ACTN4: variants seen among roughly 807,000 people sequenced by gnomAD.
The protein encoded by ACTN4 is actinin alpha 4.
Under a neutral mutation model 114.2 loss-of-function variants are expected in ACTN4, and 18 were observed. The observed-to-expected ratio is 0.16, with a 90% CI of 0.11 to 0.23. ACTN4 has a LOEUF of 0.23. Ranked by LOEUF, ACTN4 falls within the 10% of genes least tolerant of loss-of-function variation. The pLI is 1.00. For missense variants in ACTN4, 722 were observed against 1,262.9 expected (o/e 0.57, Z 6.49); for synonymous variants, 515 against 506.3 (o/e 1.02, Z -0.23).
chr19:38,698,993 T>G (rs1490327509), intron 1 of ACTN4, among the ~76,000 whole-genome samples: 1 of 152,170 alleles, frequency 6.6e-6, no homozygotes, highest in Non-Finnish European at 1.5e-5. Flanking sequence ...GGGCGTGGAA[T>G]GTGCTCTTGT....
chr19:38,714,347 T>G, intron 8 of ACTN4, 122 bp from the exon 9 acceptor site: 1 of 869,336 alleles, frequency 1.2e-6, no homozygotes, highest in Non-Finnish European at 1.9e-6. Flanking sequence ...GAGCTGTGCT[T>G]CCTCTCCTTC....
rs1968241566 is a variant in ACTN4 at position 38,700,651 on chromosome 19, G to A, written c.214G>A (p.Glu72Lys). 4 of 1,614,192 alleles carry A rather than the reference G, an allele frequency of 2.5e-6. No individual in the cohort carries two copies. The highest frequency in any genetic ancestry group is 1.1e-5 in the South Asian group (1 of 91,082). The change falls in exon 2 of 21, where the codon GAG becomes AAG. Residue 72 changes from glutamate (E) to lysine (K), a missense_variant. This residue lies in a region of ACTN4 where 127 missense variants were observed against 311.3 expected (regional missense o/e 0.41). Transcript: ENST00000252699. ...CCTGCGGAAGGCAGGCACACAGATCGAGAACATTGATGAGGACTTCCGAGA... is the reference window on the plus strand; with the variant it reads ...CCTGCGGAAGGCAGGCACACAGATCAAGAACATTGATGAGGACTTCCGAGA... ...SHLRKAGTQI[E>K]NIDEDFRDGL...
intron 1 of ACTN4, among the ~76,000 whole-genome samples, chr19:38,672,992 G>A (rs1033592063): frequency 6.7e-6 from 1 of 149,442 alleles, no homozygotes; most frequent in African/African-American, 2.5e-5. Flanking sequence ...TCCAAGGCTG[G>A]AGTGCAGTGG....
chr19:38,671,033 CCT>C (rs770067231), intron 1 of ACTN4, among the ~76,000 whole-genome samples: 2 of 152,070 alleles, frequency 1.3e-5, no homozygotes, highest in Non-Finnish European at 2.9e-5. Context: ...CTCTGCCTCT[CCT>C]CTAGTCTCCC....
At chr19:38,706,511 T>G (rs1312329986) in intron 5 of ACTN4, among the ~76,000 whole-genome samples, 1 of 152,228 alleles carries the variant, frequency 6.6e-6, no homozygotes, top group African/African-American at 2.4e-5. Flanking sequence ...TGGCCTAGGC[T>G]CAAGTGATCC....
intron 3 of ACTN4, among the ~76,000 whole-genome samples, chr19:38,702,476 C>T (rs1968311665): frequency 6.6e-6 from 1 of 152,220 alleles, no homozygotes; most frequent in African/African-American, 2.4e-5. Flanking sequence ...GTGGATGTGT[C>T]ATGAGAAACG....
chr19:38,662,218 C>T (rs538762728), intron 1 of ACTN4, among the ~76,000 whole-genome samples: 39 of 152,252 alleles, frequency 2.6e-4, no homozygotes, highest in African/African-American at 7.2e-4. Flanking sequence ...GCTTGTCAAA[C>T]GAGTTATGTG....
chr19:38,730,759 CAG>C lies in ACTN4; in HGVS notation c.*1334_*1335del, dbSNP rs952298370. Reference sequence around the variant, plus strand: ...AGACTAGCCCCAGACAGGTGGATGCCAGAGAGAGTGGCACCCATGCCAGGCAA... The same window carrying C: ...AGACTAGCCCCAGACAGGTGGATGCCAGAGAGTGGCACCCATGCCAGGCAA... On this transcript the variant is annotated 3_prime_UTR_variant, in exon 21 of 21. Coordinates refer to ENST00000252699, the MANE Select transcript of ACTN4 (RefSeq NM_004924.6). The C allele has an allele frequency of 1.0e-5, 15 of 1,482,714 alleles. 2 individuals carry two copies. The highest frequency in any genetic ancestry group is 3.5e-4 in the Middle Eastern group (2 of 5,676). The allele number at this position is 1,482,714 out of a possible 1,614,324, so 91.8% of individuals were successfully genotyped here.
intron 1 of ACTN4, among the ~76,000 whole-genome samples, chr19:38,673,578 CATATATATTT>C (rs1157520534): frequency 2.5e-5 from 1 of 39,848 alleles, no homozygotes; most frequent in African/African-American, 7.9e-5. Flanking sequence ...TATATATATT[CATATATATTT>C]ATATATATTC....
intron 3 of ACTN4, among the ~76,000 whole-genome samples, chr19:38,703,756 T>C (rs149840243): frequency 2.4e-4 from 36 of 152,196 alleles, no homozygotes; most frequent in African/African-American, 7.9e-4. Flanking sequence ...TAGTGATGCC[T>C]TGGGGCAGCA....
At chr19:38,672,135 C>T (rs1967147762) in intron 1 of ACTN4, among the ~76,000 whole-genome samples, 2 of 152,044 alleles carry the variant, frequency 1.3e-5, no homozygotes, top group Admixed American at 6.6e-5. Flanking sequence ...CTGGGTGTGC[C>T]ACCTAAGGTA....
intron 19 of ACTN4, 151 bp from the exon 20 acceptor site, chr19:38,728,845 G>A (rs941612603): frequency 1.0e-6 from 1 of 1,002,594 alleles, no homozygotes; most frequent in Non-Finnish European, 1.5e-6. Flanking sequence ...CCGGGGCCAA[G>A]GCTGCTGGAG....
chr19:38,727,743 C>T lies in ACTN4; in HGVS notation c.2338-203C>T, dbSNP rs534212730. On this transcript the variant is annotated intron_variant, in intron 18 of 20. Coordinates refer to ENST00000252699, the MANE Select transcript of ACTN4 (RefSeq NM_004924.6). This position sits in a 1 kb window ranked among gnomAD's most constrained non-coding sequence, Gnocchi z 5.4. ...AGGCCTCTGCCTTCCTTTGAGCTTC[C>T]GAGGTTGGGGAAAGGATGAAAGGGG... 39 of 601,850 alleles carry T rather than the reference C, an allele frequency of 6.5e-5. No homozygotes were observed. The highest frequency in any genetic ancestry group is 4.4e-4 in the Middle Eastern group (1 of 2,298). The allele number at this position is 601,850 out of a possible 1,614,324, so 37.3% of individuals were successfully genotyped here. A position where few individuals can be genotyped will look rare whatever the true frequency, so the allele number is the denominator to read the frequency against.
intron 1 of ACTN4, among the ~76,000 whole-genome samples, chr19:38,698,089 G>T (rs1370596680): frequency 6.6e-6 from 1 of 152,132 alleles, no homozygotes; most frequent in Non-Finnish European, 1.5e-5. Context: ...CTGAGGGTGG[G>T]CCGGGGACAG....
rs573992656 is a variant in ACTN4 at position 38,666,238 on chromosome 19, A to G, written c.162+18331A>G. Among the ~76,000 whole-genome samples, 19 of 151,860 alleles carry G rather than the reference A, an allele frequency of 1.3e-4. 1 individual carries two copies. The South Asian group carries it at 3.5e-3, about 28-fold the overall frequency. On this transcript the variant is annotated intron_variant, in intron 1 of 20. Coordinates refer to ENST00000252699, the MANE Select transcript of ACTN4 (RefSeq NM_004924.6). Reference sequence around the variant, plus strand: ...TTCGCCCCTGTCCCCCCCAAAAGCAATCAAATCCACAACCTAATAAGGCAA... The same window carrying G: ...TTCGCCCCTGTCCCCCCCAAAAGCAGTCAAATCCACAACCTAATAAGGCAA...
intron 1 of ACTN4, among the ~76,000 whole-genome samples, chr19:38,693,032 C>G (rs1371512745): frequency 6.6e-6 from 1 of 152,178 alleles, no homozygotes; most frequent in Non-Finnish European, 1.5e-5. Flanking sequence ...TGCAGTCAAC[C>G]CTGAGCCTGG....
intron 1 of ACTN4, among the ~76,000 whole-genome samples, chr19:38,650,975 C>T (rs188971910): frequency 1.4e-4 from 21 of 152,266 alleles, no homozygotes; most frequent in East Asian, 5.8e-4. Flanking sequence ...CCAGGAGATC[C>T]GCCCGCCTCG....
At chr19:38,679,113 GCTGGGTTACATC>G (rs1210149967) in intron 1 of ACTN4, among the ~76,000 whole-genome samples, 3 of 152,222 alleles carry the variant, frequency 2.0e-5, no homozygotes, top group Non-Finnish European at 4.4e-5. Context: ...TGGCCTCCAA[GCTGGGTTACATC>G]CTGGGAAAAA....
intron 11 of ACTN4, among the ~76,000 whole-genome samples, chr19:38,721,291 G>A (rs1969031904): frequency 1.3e-5 from 2 of 152,250 alleles, no homozygotes; most frequent in South Asian, 2.1e-4. Flanking sequence ...CACAGGTTGA[G>A]ATGGAATCTC....
Sources: gnomAD v4.1 joint callset for allele counts (sites outside exome capture counted in the v4.1 genomes callset) on GRCh38, gnomAD v4.1.1 for gene constraint, gnomAD v4.1.1 regional missense constraint, Gnocchi (gnomAD v3.1) non-coding constraint, MANE v1.5 for transcripts, NCBI Gene and HGNC (gene_info 2026-07-23, HGNC 2026-07-21) for gene names.